Variants in PALS1 observed in about 807,000 individuals in gnomAD.
PALS1 encodes protein PALS1.
A neutral mutation model predicts 78.9 loss-of-function variants in PALS1; 31 were observed. The observed-to-expected ratio is 0.39, with a 90% CI of 0.30 to 0.53. The LOEUF is 0.53. Among genes scored for constraint, PALS1 ranks in the 20% least tolerant of loss-of-function variants. The pLI is 0.67. For synonymous variants in PALS1, 276 were observed against 270.9 expected (o/e 1.02, Z -0.18); for missense variants, 704 against 826.5 (o/e 0.85, Z 1.82).
At chr14:67,248,033 T>A (rs1025591324) in intron 1 of PALS1, among the ~76,000 whole-genome samples, 1 of 152,202 alleles carries the variant, frequency 6.6e-6, no homozygotes, top group Non-Finnish European at 1.5e-5. Flanking sequence ...CATGAATAGA[T>A]GTTGAATTTT....
chr14:67,304,791 A>G (rs1203802351), intron 8 of PALS1, among the ~76,000 whole-genome samples: 2 of 150,454 alleles, frequency 1.3e-5, no homozygotes, highest in African/African-American at 2.5e-5. Flanking sequence ...TATGAATTAT[A>G]TATCAATAAA....
chr14:67,292,706 A>T lies in PALS1; in HGVS notation c.563A>T (p.Asp188Val), dbSNP rs778338584. 3 of 1,613,346 alleles carry T rather than the reference A, an allele frequency of 1.9e-6. No homozygotes were observed. The highest frequency in any genetic ancestry group is 2.5e-6 in the Non-Finnish European group (3 of 1,179,502). ...TTTCCTCTTATCTCCAACGCACAAGATCTTGCTCAAGAGGTATGTATTCTA... is the reference window on the plus strand; with the variant it reads ...TTTCCTCTTATCTCCAACGCACAAGTTCTTGCTCAAGAGGTATGTATTCTA... ...PPFPLISNAQ[D>V]LAQEVQTVLK... Residue 188 changes from aspartate (D) to valine (V), a missense_variant, in exon 4 of 15, where the codon GAT becomes GTT. Coordinates refer to ENST00000261681, the MANE Select transcript of PALS1 (RefSeq NM_022474.4).
At chr14:67,273,333 T>C (rs1441102574) in intron 2 of PALS1, among the ~76,000 whole-genome samples, 2 of 151,362 alleles carry the variant, frequency 1.3e-5, no homozygotes, top group Non-Finnish European at 2.9e-5. Flanking sequence ...CCAAGTGTTC[T>C]CATTTTTCAA....
chr14:67,323,946 C>T (rs1367812424), intron 14 of PALS1, 134 bp downstream of exon 14: 2 of 546,664 alleles, frequency 3.7e-6, no homozygotes, highest in Non-Finnish European at 3.2e-6. Context: ...ATATTACTTG[C>T]CCAAAAATTG....
chr14:67,305,820 T>TTAAGAATAAAAGGCTGGTTTAATCTG (rs1232720608), intron 8 of PALS1, among the ~76,000 whole-genome samples: 1 of 152,214 alleles, frequency 6.6e-6, no homozygotes. Context: ...TCATTATTGA[T>TTAAGAATAAAAGGCTGGTTTAATCTG]TAAGAATAAA....
intron 3 of PALS1, among the ~76,000 whole-genome samples, chr14:67,280,830 T>TCCTTC (rs2084592452): frequency 7.6e-6 from 1 of 131,084 alleles, no homozygotes; most frequent in African/African-American, 3.3e-5. Flanking sequence ...CTTCCTTCCT[T>TCCTTC]CCTTCCTTCC....
chr14:67,248,024 A>G (rs117135260), intron 1 of PALS1, among the ~76,000 whole-genome samples: 2,229 of 152,290 alleles, frequency 0.015, 28 homozygotes, highest in Middle Eastern at 0.041. Flanking sequence ...TTTTTAAATC[A>G]TGAATAGATG....
intron 5 of PALS1, 71 bp from the exon 6 acceptor site, chr14:67,301,901 A>C (rs1417652736): frequency 1.4e-6 from 2 of 1,477,268 alleles, no homozygotes; most frequent in South Asian, 1.4e-5. Context: ...TACTATGTAC[A>C]TAGGTTAAAA....
chr14:67,303,534 G>A lies in PALS1; in HGVS notation c.976G>A (p.Gly326Ser). The change falls in exon 8 of 15, where the codon GGT (glycine) becomes AGT (serine). Residue 326 changes from glycine to serine, a missense_variant. By Grantham distance (56) the Gly-to-Ser change is moderately conservative (BLOSUM62 0). Transcript: ENST00000261681. ...EVFDLLSDMH[G>S]TLTFVLIPSQ... ...CTTTCTATTACAGTCTGATATGCATGGTACTTTGACTTTTGTCCTGATTCC... is the reference window on the plus strand; with the variant it reads ...CTTTCTATTACAGTCTGATATGCATAGTACTTTGACTTTTGTCCTGATTCC... 1 of 1,613,010 alleles carries A rather than the reference G, an allele frequency of 6.2e-7. No individual in the cohort carries two copies.
chr14:67,298,410 G>A (rs1019207942), intron 4 of PALS1, among the ~76,000 whole-genome samples: 2 of 151,732 alleles, frequency 1.3e-5, no homozygotes, highest in African/African-American at 4.8e-5. Context: ...AGCTACTCAG[G>A]AGTCTGAGGC....
chr14:67,290,813 A>G (rs994031864), intron 3 of PALS1, among the ~76,000 whole-genome samples: 3 of 152,124 alleles, frequency 2.0e-5, no homozygotes, highest in African/African-American at 7.2e-5. Flanking sequence ...GGGGTTACAG[A>G]CCTGAGCCAC....
Position 67,320,390 on chromosome 14 carries a change from A to G in PALS1, c.1530A>G (p.Ala510=). The change falls in exon 12 of 15, where the codon GCA becomes GCG. Residue 510 remains alanine, a synonymous_variant. Transcript: ENST00000261681. ...MNKEKDRFAS[A]VPHTTRSRRD... ...AAGAAAAGGACCGCTTTGCATCTGCAGTTCCTCGTAAGTTTGAATGCATTC... is the reference window on the plus strand; with the variant it reads ...AAGAAAAGGACCGCTTTGCATCTGCGGTTCCTCGTAAGTTTGAATGCATTC... The G allele has an allele frequency of 8.7e-6, 14 of 1,600,442 alleles. No homozygotes were observed. The highest frequency in any genetic ancestry group is 1.2e-5 in the Non-Finnish European group (14 of 1,174,288).
chr14:67,324,860 A>AT (rs1384553862), intron 14 of PALS1, among the ~76,000 whole-genome samples: 1 of 139,930 alleles, frequency 7.1e-6, no homozygotes, highest in African/African-American at 2.7e-5. Flanking sequence ...AAGTTCTTGG[A>AT]TTGCAGGTGT....
chr14:67,243,489 A>ATTT (rs55985752), intron 1 of PALS1, among the ~76,000 whole-genome samples: 2,970 of 100,232 alleles, frequency 0.03, 83 homozygotes, highest in Non-Finnish European at 0.042. Flanking sequence ...CCAGAATATA[A>ATTT]TTTTTTTTTT....
At chr14:67,246,505 G>A (rs1073604) in intron 1 of PALS1, among the ~76,000 whole-genome samples, 24,629 of 151,854 alleles carry the variant, frequency 0.16, 3,823 homozygotes, top group East Asian at 0.43. Context: ...ATGCCAGGCC[G>A]ATTTTTAAAA....
intron 1 of PALS1, among the ~76,000 whole-genome samples, chr14:67,258,114 G>T (rs117661786): frequency 6.6e-6 from 1 of 151,818 alleles, no homozygotes; most frequent in African/African-American, 2.4e-5. Flanking sequence ...AATGCAGCAC[G>T]TATTGAGTTT....
intron 6 of PALS1, 33 bp from the exon 7 acceptor site, chr14:67,302,377 T>C (rs2084943955): frequency 7.6e-7 from 1 of 1,320,380 alleles, no homozygotes; most frequent in Non-Finnish European, 9.9e-7. Context: ...TGTATTATTT[T>C]TATTTTTAAA....
intron 2 of PALS1, among the ~76,000 whole-genome samples, chr14:67,274,881 G>T (rs1297329038): frequency 6.6e-6 from 1 of 152,092 alleles, no homozygotes; most frequent in East Asian, 1.9e-4. Context: ...TCTCTTTGTA[G>T]CAATTGTGAA....
In PALS1 at chr14:67,327,447, C is replaced by T. The variant is rs182729233; in HGVS notation, c.1851+3635C>T. Among the ~76,000 whole-genome samples, 1,040 of 150,092 alleles carry T rather than the reference C, an allele frequency of 6.9e-3. 18 individuals are homozygous for T. The highest frequency in any genetic ancestry group is 0.024 in the African/African-American group (1,004 of 40,984). ...GGAGGACGGATCACTTTTTTTTTTT[C>T]CGGGGTGTGGGGGGAAGGTTTTAAA... is the stretch of plus-strand genomic sequence containing the variant. On this transcript the variant is annotated intron_variant, in intron 14 of 14. Coordinates refer to ENST00000261681, the MANE Select transcript of PALS1 (RefSeq NM_022474.4).
Sources: allele counts gnomAD v4.1 joint callset (sites outside exome capture counted in the v4.1 genomes callset), GRCh38; gene constraint gnomAD v4.1.1; transcripts MANE v1.5; gene names NCBI Gene and HGNC (gene_info 2026-07-23, HGNC 2026-07-21).